HSDL2: variants seen among roughly 807,000 people sequenced by gnomAD.
The protein encoded by HSDL2 is hydroxysteroid dehydrogenase like 2.
HSDL2 carries 27 observed loss-of-function variants against 46.3 expected under a neutral mutation model. The observed-to-expected ratio is 0.58, with a 90% CI of 0.43 to 0.80. HSDL2 has a LOEUF of 0.80. Among genes scored for constraint, HSDL2 ranks in the 30% least tolerant of loss-of-function variants. HSDL2 has a pLI of 0.00. For synonymous variants in HSDL2, 153 were observed against 163.6 expected (o/e 0.94, Z 0.50); for missense variants, 451 against 502.7 (o/e 0.90, Z 0.98).
At chr9:112,408,634 G>A (rs1464385455) in intron 3 of HSDL2, among the ~76,000 whole-genome samples, 2 of 152,156 alleles carry the variant, frequency 1.3e-5, no homozygotes, top group Non-Finnish European at 2.9e-5. Flanking sequence ...CTGTAAAGCT[G>A]TATAACATGT....
At chr9:112,383,838 A>T (rs1831164024) in intron 1 of HSDL2, among the ~76,000 whole-genome samples, 1 of 152,144 alleles carries the variant, frequency 6.6e-6, no homozygotes, top group African/African-American at 2.4e-5. Context: ...ATTAGGTGGG[A>T]CTATAGACAT....
intron 6 of HSDL2, among the ~76,000 whole-genome samples, chr9:112,430,301 G>A (rs1267775047): frequency 1.3e-5 from 2 of 152,156 alleles, no homozygotes; most frequent in Non-Finnish European, 2.9e-5. Flanking sequence ...GCAGTGGATA[G>A]GTCCTGTGGA....
Position 112,441,756 on chromosome 9 carries a change from A to C in HSDL2, c.851A>C (p.Lys284Thr). The change falls in exon 8 of 11, where the codon AAA (lysine) becomes ACA (threonine). Residue 284 changes from lysine to threonine, a missense_variant. By Grantham distance (78) the Lys-to-Thr change is moderately conservative (BLOSUM62 -1). Coordinates refer to ENST00000398805, the MANE Select transcript of HSDL2 (RefSeq NM_032303.5). ...LDEYPEAVSK[K>T]VESTGAVPEF... Reference sequence around the variant, plus strand: ...GAATACCCAGAAGCAGTTAGCAAGAAAGTGGAATCAACTGGTAAGATCTAG... The same window carrying C: ...GAATACCCAGAAGCAGTTAGCAAGACAGTGGAATCAACTGGTAAGATCTAG... The C allele has an allele frequency of 6.2e-7, 1 of 1,600,670 alleles. No homozygotes were observed. The highest frequency in any genetic ancestry group is 8.6e-7 in the Non-Finnish European group (1 of 1,167,986).
intron 8 of HSDL2, among the ~76,000 whole-genome samples, chr9:112,447,715 A>G (rs145894189): frequency 4.7e-4 from 71 of 152,350 alleles, no homozygotes; most frequent in African/African-American, 1.6e-3. Context: ...ATTGCTAAAC[A>G]TAGAAGGAAA....
intron 8 of HSDL2, among the ~76,000 whole-genome samples, chr9:112,444,778 C>T (rs1260409000): frequency 6.7e-6 from 1 of 149,486 alleles, no homozygotes; most frequent in East Asian, 2.0e-4. Context: ...ATTATTTCTT[C>T]ATTGATTCCC....
At chr9:112,454,678 C>CT (rs1016773002) in intron 9 of HSDL2, among the ~76,000 whole-genome samples, 1 of 151,846 alleles carries the variant, frequency 6.6e-6, no homozygotes, top group Non-Finnish European at 1.5e-5. Flanking sequence ...CGGTAGTCAG[C>CT]TTTTTTTCAC....
At chr9:112,416,763 G>A in intron 4 of HSDL2, 78 bp from the exon 5 acceptor site, 1 of 689,802 alleles carries the variant, frequency 1.4e-6, no homozygotes. Context: ...ACAGAGCAAG[G>A]CCCCCTCTCT....
At chr9:112,397,728 T>C (rs947391959) in intron 1 of HSDL2, among the ~76,000 whole-genome samples, 1 of 152,120 alleles carries the variant, frequency 6.6e-6, no homozygotes, top group Non-Finnish European at 1.5e-5. Flanking sequence ...TTGTAAATGC[T>C]GAGATGGAGT....
chr9:112,456,139 T>C (rs1833016039), intron 9 of HSDL2, among the ~76,000 whole-genome samples: 2 of 152,216 alleles, frequency 1.3e-5, no homozygotes. Context: ...AATCTGTTCA[T>C]CTTGCAGCCT....
Position 112,408,958 on chromosome 9 carries a change from T to C in HSDL2, c.332T>C (p.Leu111Ser), listed in dbSNP as rs780468297. 5 of 1,608,350 alleles carry C rather than the reference T, an allele frequency of 3.1e-6. 1 individual carries two copies. In the African/African-American group the frequency reaches 4.0e-5, roughly 13 times the overall value. Residue 111 changes from leucine (L) to serine (S), a missense_variant, in exon 4 of 11, where the codon TTG (leucine) becomes TCG (serine). Physicochemically the swap from Leu to Ser is moderately radical, Grantham distance 145. Coordinates refer to ENST00000398805, the MANE Select transcript of HSDL2 (RefSeq NM_032303.5). The part of the protein sequence containing the change: ...NASAISLTNT[L>S]DTPTKRLDLM... ...AGTGCCATTAGTTTGACCAATACATTGGACACACCTACCAAGAGATTGGAT... is the reference window on the plus strand; with the variant it reads ...AGTGCCATTAGTTTGACCAATACATCGGACACACCTACCAAGAGATTGGAT...
At chr9:112,413,293 A>G (rs1831918512) in intron 4 of HSDL2, among the ~76,000 whole-genome samples, 1 of 152,092 alleles carries the variant, frequency 6.6e-6, no homozygotes, top group African/African-American at 2.4e-5. Context: ...AGCCCGACGA[A>G]CATGGAGAAA....
At chr9:112,459,936 G>T (rs1026449259) in intron 10 of HSDL2, among the ~76,000 whole-genome samples, 1 of 152,144 alleles carries the variant, frequency 6.6e-6, no homozygotes, top group Non-Finnish European at 1.5e-5. Flanking sequence ...GCAGCAGTTC[G>T]CTTATTGGGA....
chr9:112,405,220 T>C (rs1831697938), intron 2 of HSDL2, among the ~76,000 whole-genome samples: 1 of 152,056 alleles, frequency 6.6e-6, no homozygotes, highest in South Asian at 2.1e-4. Flanking sequence ...GGCGTGGTGG[T>C]GCATGCCTAT....
intron 9 of HSDL2, among the ~76,000 whole-genome samples, chr9:112,459,165 G>C (rs1833128370): frequency 6.6e-6 from 1 of 152,058 alleles, no homozygotes; most frequent in Non-Finnish European, 1.5e-5. Context: ...GTCTTTATGA[G>C]TTTTCTTCCT....
chr9:112,385,065 G>A (rs919885885), intron 1 of HSDL2, among the ~76,000 whole-genome samples: 1 of 152,026 alleles, frequency 6.6e-6, no homozygotes, highest in Non-Finnish European at 1.5e-5. Context: ...CTACAGCCTT[G>A]CTTGCAGTAG....
chr9:112,431,983 G>T (rs916862044), intron 6 of HSDL2, among the ~76,000 whole-genome samples: 1 of 151,148 alleles, frequency 6.6e-6, no homozygotes, highest in African/African-American at 2.4e-5. Flanking sequence ...AGGTTCAAGC[G>T]ATTCTCCTGC....
chr9:112,442,897 C>G (rs563311727), intron 8 of HSDL2, among the ~76,000 whole-genome samples: 2 of 151,826 alleles, frequency 1.3e-5, no homozygotes, highest in African/African-American at 4.8e-5. Flanking sequence ...TTTTCTTTTT[C>G]CAGATTTTTA....
intron 7 of HSDL2, 188 bp downstream of exon 7, chr9:112,438,813 G>T: frequency 2.3e-6 from 1 of 433,588 alleles, no homozygotes; most frequent in Non-Finnish European, 4.0e-6. Flanking sequence ...AAAAATAGAG[G>T]TGAGTTGAGG....
chr9:112,405,824 C>G, intron 3 of HSDL2, 102 bp downstream of exon 3: 2 of 734,030 alleles, frequency 2.7e-6, no homozygotes, highest in East Asian at 2.7e-5. Flanking sequence ...TTTTCTGAGT[C>G]TTTGGAGAAA....
Sources: allele counts gnomAD v4.1 joint callset (sites outside exome capture counted in the v4.1 genomes callset), GRCh38; gene constraint gnomAD v4.1.1; transcripts MANE v1.5; gene names NCBI Gene and HGNC (gene_info 2026-07-23, HGNC 2026-07-21).